SYN3: variants seen among roughly 807,000 people sequenced by gnomAD.
SYN3 encodes synapsin-3.
Under a neutral mutation model 65.8 loss-of-function variants are expected in SYN3, and 35 were observed. The ratio of observed to expected loss-of-function variants is 0.53; its 90% CI spans 0.41 to 0.70. SYN3 has a LOEUF of 0.70. Among genes scored for constraint, SYN3 ranks in the 30% least tolerant of loss-of-function variants. The pLI is 0.00. For missense variants in SYN3, 680 were observed against 749.0 expected, an observed-to-expected ratio of 0.91 and a Z score of 1.08; for synonymous variants, 270 against 292.9, an observed-to-expected ratio of 0.92 and a Z score of 0.80.
At chr22:32,541,544 C>A (rs1354890563) in intron 8 of SYN3, 27 bp downstream of exon 8, 6 of 1,613,282 alleles carry the variant, frequency 3.7e-6, no homozygotes, top group Non-Finnish European at 5.1e-6. Flanking sequence ...CTCCCACACT[C>A]CCCCAGCCCC....
intron 2 of SYN3, among the ~76,000 whole-genome samples, chr22:33,001,943 T>C (rs547866053): frequency 2.0e-5 from 3 of 152,226 alleles, no homozygotes; most frequent in African/African-American, 7.2e-5. Context: ...GAGCCAGGGA[T>C]AACACAGCTA....
At chr22:32,603,366 A>AAAT in intron 6 of SYN3, among the ~76,000 whole-genome samples, 1 of 150,986 alleles carries the variant, frequency 6.6e-6, no homozygotes, top group East Asian at 1.9e-4. Context: ...CAAAAAAAAA[A>AAAT]AAAAATAGCC....
intron 3 of SYN3, among the ~76,000 whole-genome samples, chr22:32,960,203 T>G (rs188414273): frequency 2.8e-4 from 43 of 152,250 alleles, no homozygotes; most frequent in African/African-American, 9.9e-4. Flanking sequence ...AGAGCTTGCC[T>G]GGAGCACGCC....
At chr22:32,994,550 G>A (rs1326132233) in intron 2 of SYN3, among the ~76,000 whole-genome samples, 1 of 152,194 alleles carries the variant, frequency 6.6e-6, no homozygotes, top group Non-Finnish European at 1.5e-5. Context: ...AGAGCCTTAG[G>A]GGTAGGGGAA....
intron 6 of SYN3, among the ~76,000 whole-genome samples, chr22:32,826,437 T>C (rs1255532072): frequency 1.3e-5 from 2 of 151,556 alleles, no homozygotes; most frequent in East Asian, 3.9e-4. Flanking sequence ...CAAAAATAAA[T>C]AAATAAATAA....
At chr22:32,541,848 CG>C in intron 7 of SYN3, 135 bp from the exon 8 acceptor site, 1 of 1,026,174 alleles carries the variant, frequency 9.7e-7, no homozygotes, top group Non-Finnish European at 1.4e-6. Flanking sequence ...GAGACAGACA[CG>C]GGAAGCAAAT....
chr22:32,867,385 C>T (rs1394274942), intron 5 of SYN3, among the ~76,000 whole-genome samples: 3 of 152,186 alleles, frequency 2.0e-5, no homozygotes, highest in African/African-American at 7.2e-5. Flanking sequence ...TTGTTCACTG[C>T]TATGTTTCTA....
chr22:33,040,950 C>G (rs2053953503), intron 1 of SYN3, among the ~76,000 whole-genome samples: 2 of 151,980 alleles, frequency 1.3e-5, no homozygotes, highest in South Asian at 4.2e-4. Context: ...GAGTCTTGCT[C>G]TGTTGCCAGG....
At chr22:32,783,968 T>G (rs2046131895) in intron 6 of SYN3, among the ~76,000 whole-genome samples, 1 of 152,252 alleles carries the variant, frequency 6.6e-6, no homozygotes, top group African/African-American at 2.4e-5. Context: ...TAATGGTATT[T>G]ACCTTACAAA....
Position 32,680,046 on chromosome 22 carries a change from C to T in SYN3, c.712-83310G>A, listed in dbSNP as rs369077940. On this transcript the variant is annotated intron_variant, in intron 6 of 13. Transcript: ENST00000358763. ...AGAGCCTAGTCTGCTTTATTTATGT[C>T]CTCAGCACCTCAATGCCTGACATGT... Among the ~76,000 whole-genome samples the T allele has an allele frequency of 2.2e-4, 34 of 151,976 alleles. No individual in the cohort carries two copies. The East Asian group carries it at 5.2e-3, about 23-fold the overall frequency.
intron 6 of SYN3, among the ~76,000 whole-genome samples, chr22:32,857,084 A>C (rs144289242): frequency 1.3e-5 from 2 of 152,312 alleles, no homozygotes; most frequent in African/African-American, 4.8e-5. Context: ...GGTTGATTTC[A>C]TATCTTGGCT....
chr22:33,045,283 G>A (rs1401392412), intron 1 of SYN3, among the ~76,000 whole-genome samples: 1 of 152,098 alleles, frequency 6.6e-6, no homozygotes, highest in East Asian at 1.9e-4. Flanking sequence ...ACCTGGCTGT[G>A]TTCCAGGTGA....
At chr22:32,737,438 G>A (rs1472125544) in intron 6 of SYN3, among the ~76,000 whole-genome samples, 1 of 151,964 alleles carries the variant, frequency 6.6e-6, no homozygotes, top group Non-Finnish European at 1.5e-5. Context: ...TTAACCTTAG[G>A]TATATCTCCT....
chr22:33,041,697 G>A (rs1422862327), intron 1 of SYN3, among the ~76,000 whole-genome samples: 1 of 152,118 alleles, frequency 6.6e-6, no homozygotes, highest in Non-Finnish European at 1.5e-5. Flanking sequence ...TGCCATGCAT[G>A]TCATGCCTCT....
At chr22:32,661,637 T>A (rs1254418938) in intron 6 of SYN3, among the ~76,000 whole-genome samples, 3 of 151,904 alleles carry the variant, frequency 2.0e-5, no homozygotes, top group Admixed American at 1.3e-4. Flanking sequence ...GTGGAGAAAA[T>A]AAGATGGAGA....
chr22:32,988,568 G>A (rs2052604948), intron 2 of SYN3, among the ~76,000 whole-genome samples: 2 of 152,128 alleles, frequency 1.3e-5, no homozygotes, highest in East Asian at 3.9e-4. Context: ...GTCTCAGGGG[G>A]CTTACTACCT....
At chr22:33,027,211 A>G (rs180959171) in intron 1 of SYN3, among the ~76,000 whole-genome samples, 116 of 151,652 alleles carry the variant, frequency 7.6e-4, no homozygotes, top group African/African-American at 2.5e-3. Flanking sequence ...ATATATATCT[A>G]TCTACATATA....
chr22:32,890,433 T>C (rs550067700), intron 4 of SYN3, among the ~76,000 whole-genome samples: 1 of 151,688 alleles, frequency 6.6e-6, no homozygotes, highest in African/African-American at 2.4e-5. Flanking sequence ...AAGGCTGGAG[T>C]GCAGTGGCAT....
At chr22:32,898,626 T>C (rs1472379440) in intron 4 of SYN3, among the ~76,000 whole-genome samples, 2 of 152,200 alleles carry the variant, frequency 1.3e-5, no homozygotes, top group Non-Finnish European at 2.9e-5. Flanking sequence ...GAAACAAAGA[T>C]AGCCAGTCTG....
Sources: allele counts gnomAD v4.1 joint callset (sites outside exome capture counted in the v4.1 genomes callset), GRCh38; gene constraint gnomAD v4.1.1; transcripts MANE v1.5; gene names NCBI Gene and HGNC (gene_info 2026-07-23, HGNC 2026-07-21).